The following WSCD2 variants were observed in gnomAD, a reference collection of about 807,000 sequenced individuals.
WSCD2 encodes the protein sialate:O-sulfotransferase 2.
In WSCD2, 28 loss-of-function variants were observed where a neutral mutation model predicts 55.7. That is an observed-to-expected ratio of 0.50 (90% confidence interval 0.37 to 0.69). The LOEUF is 0.69. Ranked by LOEUF, WSCD2 falls within the 30% of genes least tolerant of loss-of-function variation. The probability of loss-of-function intolerance (pLI) is 0.00; values close to 1 mark genes in which losing one functional copy is unlikely to be tolerated. For synonymous variants in WSCD2, 301 were observed against 301.9 expected (o/e 1.00, Z 0.03); for missense variants, 616 against 762.1 (o/e 0.81, Z 2.26).
chr12:108,134,432 G>A (rs1027149430), intron 1 of WSCD2, among the ~76,000 whole-genome samples: 1 of 152,194 alleles, frequency 6.6e-6, no homozygotes, highest in Non-Finnish European at 1.5e-5. Context: ...TTTCTGCCAT[G>A]GCTAGGTGGA....
intron 6 of WSCD2, among the ~76,000 whole-genome samples, chr12:108,228,377 A>G (rs1888372685): frequency 6.6e-6 from 1 of 152,212 alleles, no homozygotes; most frequent in Non-Finnish European, 1.5e-5. Flanking sequence ...TGACAGAACT[A>G]AAATTCAGAG....
intron 7 of WSCD2, 59 bp downstream of exon 7, chr12:108,232,954 C>T (rs1888930670): frequency 2.5e-6 from 4 of 1,585,230 alleles, no homozygotes; most frequent in Non-Finnish European, 3.4e-6. Context: ...AAGGTCCCCA[C>T]TTGGAGGGTA....
chr12:108,147,095 G>C (rs141122076), intron 1 of WSCD2, among the ~76,000 whole-genome samples: 2 of 152,230 alleles, frequency 1.3e-5, no homozygotes, highest in Admixed American at 1.3e-4. Context: ...ATGTGTAACC[G>C]GCCTGGGAAA....
intron 1 of WSCD2, among the ~76,000 whole-genome samples, chr12:108,175,827 A>T (rs1026931940): frequency 3.9e-5 from 6 of 152,018 alleles, no homozygotes; most frequent in Non-Finnish European, 8.8e-5. Context: ...GTTACATGGC[A>T]TTTTTCTTTT....
chr12:108,134,792 A>G (rs1480841937), intron 1 of WSCD2, among the ~76,000 whole-genome samples: 1 of 152,100 alleles, frequency 6.6e-6, no homozygotes, highest in Non-Finnish European at 1.5e-5. Context: ...ACCATATACA[A>G]AGTGTTTACC....
chr12:108,199,745 G>A (rs1366076396), intron 2 of WSCD2, among the ~76,000 whole-genome samples: 1 of 152,162 alleles, frequency 6.6e-6, no homozygotes, highest in East Asian at 1.9e-4. Context: ...TCTTACAGGA[G>A]GGAAAGTCAG....
chr12:108,246,910 A>G lies in WSCD2; in HGVS notation c.1346-1081A>G, dbSNP rs142886491. On this transcript the variant is annotated intron_variant, in intron 8 of 8. Transcript: ENST00000547525. ...CCAGAGGAGGCACCCGCCTGAGCCC[A>G]GGGAGTCTAAGAAGATGACCTGAAA... Among the ~76,000 whole-genome samples the G allele has an allele frequency of 1.8e-4, 28 of 152,334 alleles. 1 individual carries two copies. Among genetic ancestry groups the G allele is most frequent in the African/African-American group, 6.3e-4 (26 of 41,576 alleles).
Position 108,206,392 on chromosome 12 carries a change from C to G in WSCD2, c.486C>G (p.Asn162Lys). Reference protein sequence around the residue: ...KKMTIFRCQDNCAERGYLYGG... With the variant: ...KKMTIFRCQDKCAERGYLYGG... Reference sequence around the variant, plus strand: ...TGACCATCTTCCGTTGCCAGGACAACTGTGCTGAACGGTAGGGTCCCAGCA... The same window carrying G: ...TGACCATCTTCCGTTGCCAGGACAAGTGTGCTGAACGGTAGGGTCCCAGCA... Residue 162 changes from asparagine (N) to lysine (K), a missense_variant, in exon 3 of 9, where the codon AAC (asparagine) becomes AAG (lysine). This residue lies in a region of WSCD2 where 374 missense variants were observed against 467.4 expected (regional missense o/e 0.80). Transcript: ENST00000547525. The G allele has an allele frequency of 6.2e-7, 1 of 1,614,232 alleles. No individual in the cohort carries two copies. The highest frequency in any genetic ancestry group is 8.5e-7 in the Non-Finnish European group (1 of 1,180,038).
chr12:108,151,942 G>T (rs1009337436), intron 1 of WSCD2, among the ~76,000 whole-genome samples: 5 of 152,132 alleles, frequency 3.3e-5, no homozygotes, highest in African/African-American at 1.2e-4. Flanking sequence ...CCCTCCTCCT[G>T]CACACACTGG....
Position 108,165,552 on chromosome 12 carries a change from C to T in WSCD2, c.-551-29730C>T, listed in dbSNP as rs78109507. Among the ~76,000 whole-genome samples the T allele has an allele frequency of 1.9e-3, 284 of 152,320 alleles. 1 individual carries two copies. The highest frequency in any genetic ancestry group is 6.2e-3 in the African/African-American group (258 of 41,570). On this transcript the variant is annotated intron_variant, in intron 1 of 8. Coordinates refer to ENST00000547525, the MANE Select transcript of WSCD2 (RefSeq NM_014653.4). ...AGTCTACTCAGCATTTTGTCTTCAA[C>T]AGAGCAGGCCCAGTTTGGGCTGGTA...
chr12:108,138,700 T>C (rs527564576), intron 1 of WSCD2, among the ~76,000 whole-genome samples: 14 of 152,376 alleles, frequency 9.2e-5, no homozygotes, highest in African/African-American at 3.4e-4. Context: ...TTCTGCCTCT[T>C]CACACCATCT....
chr12:108,138,494 G>A (rs188333350), intron 1 of WSCD2, among the ~76,000 whole-genome samples: 185 of 152,276 alleles, frequency 1.2e-3, no homozygotes, highest in African/African-American at 4.2e-3. Context: ...GTCCTCGTCT[G>A]TAAAATGGCA....
At chr12:108,171,289 C>T (rs1880213738) in intron 1 of WSCD2, among the ~76,000 whole-genome samples, 1 of 151,680 alleles carries the variant, frequency 6.6e-6, no homozygotes, top group South Asian at 2.1e-4. Flanking sequence ...GAACAGGGCA[C>T]AGGACAGTAA....
chr12:108,141,156 T>C (rs1207680224), intron 1 of WSCD2, among the ~76,000 whole-genome samples: 4 of 152,232 alleles, frequency 2.6e-5, no homozygotes, highest in African/African-American at 9.6e-5. Flanking sequence ...TGGGCTCAGG[T>C]GATCCTTCCA....
intron 2 of WSCD2, 103 bp downstream of exon 2, chr12:108,196,317 C>A: frequency 7.0e-7 from 1 of 1,419,130 alleles, no homozygotes; most frequent in Non-Finnish European, 9.3e-7. Flanking sequence ...TAGGAACCAG[C>A]TGTCATATCA....
At chr12:108,165,202 A>G (rs1879488188) in intron 1 of WSCD2, among the ~76,000 whole-genome samples, 1 of 152,182 alleles carries the variant, frequency 6.6e-6, no homozygotes. Context: ...GTTGAGGCAG[A>G]TTTTAACCCT....
chr12:108,173,479 C>G (rs1197103584), intron 1 of WSCD2, among the ~76,000 whole-genome samples: 1 of 149,872 alleles, frequency 6.7e-6, no homozygotes, highest in Admixed American at 6.6e-5. Context: ...GCCAGGAGGC[C>G]CCCCCACCCT....
In WSCD2 at chr12:108,129,824, C is replaced by T. The variant is rs1875295283; in HGVS notation, c.-654C>T. 1 of 152,254 alleles carries T rather than the reference C, an allele frequency of 6.6e-6. No individual in the cohort carries two copies. The allele number at this position is 152,254 out of a possible 1,614,324, so 9.4% of individuals were successfully genotyped here. On this transcript the variant is annotated 5_prime_UTR_variant, in exon 1 of 9. Coordinates refer to ENST00000547525, the MANE Select transcript of WSCD2 (RefSeq NM_014653.4). ...CCACTGCAGCAGCTGGGAAGGCGCCCACAGAGCGGGCGCGCCAAGCGGGAC... is the reference window on the plus strand; with the variant it reads ...CCACTGCAGCAGCTGGGAAGGCGCCTACAGAGCGGGCGCGCCAAGCGGGAC...
At chr12:108,142,544 CTCTGAT>C (rs1246760405) in intron 1 of WSCD2, among the ~76,000 whole-genome samples, 1 of 152,210 alleles carries the variant, frequency 6.6e-6, no homozygotes, top group Non-Finnish European at 1.5e-5. Flanking sequence ...TCTCCTTGGC[CTCTGAT>C]TCCTCATATA....
Sources: gnomAD v4.1 joint callset for allele counts (sites outside exome capture counted in the v4.1 genomes callset) on GRCh38, gnomAD v4.1.1 for gene constraint, gnomAD v4.1.1 regional missense constraint, MANE v1.5 for transcripts, NCBI Gene and HGNC (gene_info 2026-07-23, HGNC 2026-07-21) for gene names.